Variants in USP37 observed in about 807,000 individuals in gnomAD.
USP37 encodes the protein ubiquitin specific peptidase 37.
Under a neutral mutation model 124.0 loss-of-function variants are expected in USP37, and 27 were observed. The ratio of observed to expected loss-of-function variants is 0.22; its 90% CI spans 0.16 to 0.30. The LOEUF is 0.30. USP37 is among the 10% of genes least tolerant of loss of function. The pLI is 1.00. For synonymous variants in USP37, 365 were observed against 388.0 expected (o/e 0.94, Z 0.70); for missense variants, 889 against 1,140.4 (o/e 0.78, Z 3.17).
intron 5 of USP37, among the ~76,000 whole-genome samples, chr2:218,550,910 T>C (rs977988187): frequency 6.6e-6 from 1 of 152,190 alleles, no homozygotes; most frequent in African/African-American, 2.4e-5. Context: ...CTTTGTCTTT[T>C]GTTCCTTGCC....
chr2:218,479,010 A>G (rs1691112172), intron 18 of USP37, among the ~76,000 whole-genome samples: 1 of 152,248 alleles, frequency 6.6e-6, no homozygotes, highest in Non-Finnish European at 1.5e-5. Context: ...AGAAAAATTA[A>G]TTAAAAAGTC....
chr2:218,527,862 T>C (rs1261383851), intron 10 of USP37, among the ~76,000 whole-genome samples: 1 of 152,182 alleles, frequency 6.6e-6, no homozygotes, highest in Non-Finnish European at 1.5e-5. Flanking sequence ...AATCATTTTA[T>C]ACAAATAACC....
At chr2:218,538,965 CTTTAT>C (rs1363546073) in intron 8 of USP37, among the ~76,000 whole-genome samples, 4 of 151,758 alleles carry the variant, frequency 2.6e-5, no homozygotes, top group African/African-American at 4.9e-5. Flanking sequence ...TTTAATGCTA[CTTTAT>C]TTTATTTTTA....
chr2:218,522,902 G>T (rs1690737694), intron 10 of USP37, among the ~76,000 whole-genome samples: 1 of 152,196 alleles, frequency 6.6e-6, no homozygotes, highest in Non-Finnish European at 1.5e-5. Flanking sequence ...ACTTTGGGAG[G>T]TCAAGGCGGG....
At chr2:218,555,431 G>T (rs1401669089) in intron 4 of USP37, among the ~76,000 whole-genome samples, 1 of 152,090 alleles carries the variant, frequency 6.6e-6, no homozygotes, top group Non-Finnish European at 1.5e-5. Flanking sequence ...TCCTTGAGTG[G>T]AAATTCTCTA....
intron 10 of USP37, among the ~76,000 whole-genome samples, chr2:218,516,700 G>GTAAAA (rs1158208349): frequency 6.6e-6 from 1 of 152,114 alleles, no homozygotes; most frequent in Admixed American, 6.6e-5. Flanking sequence ...AGAACTTAAA[G>GTAAAA]TAAAATAAAA....
intron 11 of USP37, among the ~76,000 whole-genome samples, chr2:218,502,075 T>C (rs1303795759): frequency 6.6e-6 from 1 of 151,874 alleles, no homozygotes; most frequent in Admixed American, 6.6e-5. Context: ...TAAAGGATAC[T>C]CTATATTCAA....
chr2:218,469,687 T>C (rs897000005), intron 20 of USP37, among the ~76,000 whole-genome samples: 1 of 151,976 alleles, frequency 6.6e-6, no homozygotes, highest in Non-Finnish European at 1.5e-5. Flanking sequence ...GTCTTCAGGA[T>C]AAGATTATCA....
intron 6 of USP37, among the ~76,000 whole-genome samples, chr2:218,547,662 ATATC>A (rs1692434133): frequency 6.6e-6 from 1 of 152,148 alleles, no homozygotes; most frequent in Non-Finnish European, 1.5e-5. Context: ...GAGGAAAAAA[ATATC>A]TAATTATGAT....
intron 10 of USP37, among the ~76,000 whole-genome samples, chr2:218,517,458 G>C (rs927891096): frequency 1.3e-5 from 2 of 152,088 alleles, no homozygotes; most frequent in African/African-American, 4.8e-5. Flanking sequence ...TTGTATGATA[G>C]TGTCTATTTC....
intron 4 of USP37, 137 bp from the exon 5 acceptor site, chr2:218,553,861 C>G (rs1692799086): frequency 9.8e-6 from 9 of 918,234 alleles, no homozygotes; most frequent in Non-Finnish European, 1.2e-5. Context: ...TTTTTTTCAA[C>G]CAAAAGAAGT....
intron 20 of USP37, among the ~76,000 whole-genome samples, chr2:218,466,900 A>G (rs1006114783): frequency 2.6e-5 from 4 of 151,548 alleles, no homozygotes; most frequent in Non-Finnish European, 4.4e-5. Context: ...CACCTAACTA[A>G]TTTTTGTTTT....
intron 25 of USP37, 116 bp downstream of exon 25, chr2:218,455,464 A>T (rs1186954997): frequency 4.2e-6 from 6 of 1,439,822 alleles, no homozygotes; most frequent in Non-Finnish European, 5.5e-6. Flanking sequence ...GATAAAAACC[A>T]AAAATTTTCA....
chr2:218,486,613 G>A (rs1472191150), intron 15 of USP37, among the ~76,000 whole-genome samples: 1 of 152,168 alleles, frequency 6.6e-6, no homozygotes, highest in Non-Finnish European at 1.5e-5. Flanking sequence ...AGTAGAAGCA[G>A]GGTTTTGCCG....
At chr2:218,496,764 T>G (rs1689103694) in intron 13 of USP37, among the ~76,000 whole-genome samples, 1 of 152,098 alleles carries the variant, frequency 6.6e-6, no homozygotes, top group African/African-American at 2.4e-5. Context: ...TTATCCTGCA[T>G]CAGCCTCCCA....
intron 4 of USP37, among the ~76,000 whole-genome samples, chr2:218,554,105 A>G (rs904443868): frequency 6.6e-6 from 1 of 152,250 alleles, no homozygotes; most frequent in African/African-American, 2.4e-5. Flanking sequence ...GGAGACATTA[A>G]TTAAAGGCAG....
chr2:218,541,668 G>A (rs913803403), intron 8 of USP37, among the ~76,000 whole-genome samples: 2 of 152,154 alleles, frequency 1.3e-5, no homozygotes, highest in South Asian at 2.1e-4. Context: ...GCAACACACT[G>A]TGGTTAATCC....
At chr2:218,560,009 C>CA (rs1693229225) in intron 3 of USP37, among the ~76,000 whole-genome samples, 1 of 151,368 alleles carries the variant, frequency 6.6e-6, no homozygotes, top group African/African-American at 2.4e-5. Flanking sequence ...AAAAAAAACA[C>CA]AAAAAACTTA....
chr2:218,521,513 C>G (rs1295275351), intron 10 of USP37, among the ~76,000 whole-genome samples: 1 of 152,108 alleles, frequency 6.6e-6, no homozygotes, highest in Non-Finnish European at 1.5e-5. Flanking sequence ...CCAACAGGCC[C>G]TACTGTGTGA....
Sources: allele counts gnomAD v4.1 joint callset (sites outside exome capture counted in the v4.1 genomes callset), GRCh38; gene constraint gnomAD v4.1.1; transcripts MANE v1.5; gene names NCBI Gene and HGNC (gene_info 2026-07-23, HGNC 2026-07-21).